The following C1orf185 variants were observed in gnomAD, a reference collection of about 807,000 sequenced individuals.
The protein encoded by C1orf185 is uncharacterized protein C1orf185.
A neutral mutation model predicts 16.1 loss-of-function variants in C1orf185; 13 were observed. The ratio of observed to expected loss-of-function variants is 0.81; its 90% CI spans 0.53 to 1.28. C1orf185 has a LOEUF of 1.28. C1orf185 is among the 50% of genes most tolerant of loss of function. The pLI, the probability that C1orf185 is intolerant of heterozygous loss-of-function variation, is 0.00. For missense variants in C1orf185, 220 were observed against 225.2 expected (o/e 0.98, Z 0.15); for synonymous variants, 80 against 76.9 (o/e 1.04, Z -0.21).
intron 2 of C1orf185, 88 bp from the exon 3 acceptor site, chr1:51,118,578 C>A: frequency 1.2e-6 from 1 of 838,042 alleles, no homozygotes; most frequent in South Asian, 4.3e-5. Flanking sequence ...GATTTTAAAG[C>A]TTTATGTATA....
chr1:51,138,678 C>T (rs1402884988), intron 3 of C1orf185, among the ~76,000 whole-genome samples: 1 of 149,930 alleles, frequency 6.7e-6, no homozygotes, highest in African/African-American at 2.5e-5. Flanking sequence ...AGGCGTGAGC[C>T]ACCGTGCTGG....
chr1:51,142,578 A>G (rs548065201), intron 3 of C1orf185, among the ~76,000 whole-genome samples: 1 of 152,326 alleles, frequency 6.6e-6, no homozygotes, highest in South Asian at 2.1e-4. Flanking sequence ...TCTGGTAGAC[A>G]TAGGGCTATT....
At chr1:51,147,372 T>C (rs1178583177) in intron 4 of C1orf185, 95 bp from the exon 5 acceptor site, 1 of 1,152,084 alleles carries the variant, frequency 8.7e-7, no homozygotes, top group East Asian at 2.6e-5. Flanking sequence ...ACTCAGAATT[T>C]CTTTATAGCA....
At chr1:51,115,386 C>T (rs2148013699) in intron 2 of C1orf185, among the ~76,000 whole-genome samples, 1 of 152,210 alleles carries the variant, frequency 6.6e-6, no homozygotes, top group South Asian at 2.1e-4. Context: ...TTTATCCATC[C>T]ATAGTTCATT....
intron 3 of C1orf185, among the ~76,000 whole-genome samples, chr1:51,126,552 C>A (rs1646242029): frequency 6.6e-6 from 1 of 152,140 alleles, no homozygotes; most frequent in Non-Finnish European, 1.5e-5. Context: ...AGCCACTGCA[C>A]CCAACTCGTA....
At chr1:51,143,186 G>A (rs899942057) in intron 3 of C1orf185, among the ~76,000 whole-genome samples, 1 of 152,182 alleles carries the variant, frequency 6.6e-6, no homozygotes, top group South Asian at 2.1e-4. Flanking sequence ...AACGACCTGT[G>A]TGAAGACACT....
chr1:51,114,579 C>T (rs943433255), intron 2 of C1orf185, among the ~76,000 whole-genome samples: 15 of 151,992 alleles, frequency 9.9e-5, no homozygotes, highest in African/African-American at 3.4e-4. Flanking sequence ...AAAAATTACC[C>T]GGGAATGGTG....
intron 1 of C1orf185, among the ~76,000 whole-genome samples, chr1:51,108,419 C>T (rs1050447856): frequency 1.3e-5 from 2 of 152,044 alleles, no homozygotes; most frequent in East Asian, 1.9e-4. Flanking sequence ...ACGCATTTGT[C>T]TTTGTATTTA....
chr1:51,119,679 A>G (rs1646183535), intron 3 of C1orf185, among the ~76,000 whole-genome samples: 1 of 152,212 alleles, frequency 6.6e-6, no homozygotes, highest in South Asian at 2.1e-4. Context: ...TCATGCCTGT[A>G]GTCCTAGTTG....
intron 2 of C1orf185, among the ~76,000 whole-genome samples, chr1:51,114,322 A>C (rs1303378755): frequency 1.3e-5 from 2 of 152,372 alleles, no homozygotes; most frequent in South Asian, 2.1e-4. Flanking sequence ...CGTCATCGTA[A>C]TAGCTAACAC....
intron 3 of C1orf185, among the ~76,000 whole-genome samples, chr1:51,126,522 A>G (rs1646241853): frequency 6.6e-6 from 1 of 152,142 alleles, no homozygotes. Context: ...CAGCCTCCCA[A>G]TGTGCTTATT....
At chr1:51,108,782 G>GTA (rs923126045) in intron 1 of C1orf185, among the ~76,000 whole-genome samples, 1 of 152,118 alleles carries the variant, frequency 6.6e-6, no homozygotes, top group Admixed American at 6.5e-5. Flanking sequence ...ACTCCATTGT[G>GTA]TATATATACC....
chr1:51,119,856 G>A (rs1313228025), intron 3 of C1orf185, among the ~76,000 whole-genome samples: 1 of 151,958 alleles, frequency 6.6e-6, no homozygotes, highest in Non-Finnish European at 1.5e-5. Flanking sequence ...TGCCACTGAG[G>A]CTATATAAAC....
chr1:51,124,878 G>C (rs1445949329), intron 3 of C1orf185, among the ~76,000 whole-genome samples: 1 of 152,204 alleles, frequency 6.6e-6, no homozygotes, highest in East Asian at 1.9e-4. Context: ...GGTCAGCAGG[G>C]TTGTGACCAG....
At chr1:51,150,338 A>G (rs1044812952), downstream of C1orf185, among the ~76,000 whole-genome samples, 1 of 151,960 alleles carries the variant, frequency 6.6e-6, no homozygotes, top group Admixed American at 6.6e-5. Context: ...GACTACAGAC[A>G]TGTGCCAACA....
chr1:51,106,739 C>T (rs1427630724), intron 1 of C1orf185, among the ~76,000 whole-genome samples: 3 of 151,182 alleles, frequency 2.0e-5, no homozygotes, highest in Admixed American at 1.3e-4. Flanking sequence ...TTTTTTTGTT[C>T]ATCTAAGCTT....
In C1orf185 at chr1:51,147,803, T is replaced by C. The variant is rs1441237245; in HGVS notation, c.*32T>C. The C allele has an allele frequency of 6.9e-7, 1 of 1,439,316 alleles. No homozygotes were observed. The highest frequency in any genetic ancestry group is 9.2e-7 in the Non-Finnish European group (1 of 1,086,210). 89.2% of individuals were successfully genotyped at this position (1,439,316 alleles called of 1,614,324 possible). A position where few individuals can be genotyped will look rare whatever the true frequency, so the allele number is the denominator to read the frequency against. On this transcript the variant is annotated 3_prime_UTR_variant, in exon 5 of 5. Transcript: ENST00000371759. ...AAAAGATGACTACATTAAGGGAAAATGTTCATGAAGAAACACAGAGGTTGA... is the reference window on the plus strand; with the variant it reads ...AAAAGATGACTACATTAAGGGAAAACGTTCATGAAGAAACACAGAGGTTGA...
chr1:51,118,862 G>A lies in C1orf185; in HGVS notation c.258+61G>A. 6 of 1,178,710 alleles carry A rather than the reference G, an allele frequency of 5.1e-6. No individual in the cohort carries two copies. In the South Asian group the frequency reaches 1.4e-4, roughly 27 times the overall value. The allele number at this position is 1,178,710 out of a possible 1,614,324, so 73.0% of individuals were successfully genotyped here. A position where few individuals can be genotyped will look rare whatever the true frequency, so the allele number is the denominator to read the frequency against. Reference sequence around the variant, plus strand: ...AATTTCTTTTGATACCATGTTATTAGCATTGCTGTCTTAAAATCTGAAGGA... The same window carrying A: ...AATTTCTTTTGATACCATGTTATTAACATTGCTGTCTTAAAATCTGAAGGA... On this transcript the variant is annotated intron_variant, in intron 3 of 4. Coordinates refer to ENST00000371759, the MANE Select transcript of C1orf185 (RefSeq NM_001136508.2).
chr1:51,119,293 C>G (rs1646180822), intron 3 of C1orf185, among the ~76,000 whole-genome samples: 1 of 152,094 alleles, frequency 6.6e-6, no homozygotes, highest in African/African-American at 2.4e-5. Context: ...AGGCAGACAC[C>G]TAATTAAATT....
Sources: allele counts gnomAD v4.1 joint callset (sites outside exome capture counted in the v4.1 genomes callset), GRCh38; gene constraint gnomAD v4.1.1; transcripts MANE v1.5; gene names NCBI Gene and HGNC (gene_info 2026-07-23, HGNC 2026-07-21).